The following MTHFS variants were observed in gnomAD, a reference collection of about 807,000 sequenced individuals.
MTHFS encodes methenyltetrahydrofolate synthetase.
Under a neutral mutation model 12.7 loss-of-function variants are expected in MTHFS, and 7 were observed. The ratio of observed to expected loss-of-function variants is 0.55; its 90% confidence interval spans 0.31 to 1.03. The LOEUF (loss-of-function observed/expected upper bound fraction) is 1.03. Among genes scored for constraint, MTHFS ranks in the 50% least tolerant of loss-of-function variants. MTHFS has a pLI of 0.05. For missense variants in MTHFS, 252 were observed against 258.1 expected, an observed-to-expected ratio of 0.98 and a Z score of 0.16; for synonymous variants, 100 against 97.1, an observed-to-expected ratio of 1.03 and a Z score of -0.18.
At chr15:79,861,560 T>A (rs761311930) in intron 2 of MTHFS, among the ~76,000 whole-genome samples, 4 of 152,234 alleles carry the variant, frequency 2.6e-5, no homozygotes, top group Non-Finnish European at 5.9e-5. Context: ...TATAAAAATT[T>A]AGAATTCATA....
At chr15:79,876,847 A>G (rs1024382989) in intron 2 of MTHFS, 1 of 151,982 alleles carries the variant, frequency 6.6e-6, no homozygotes, top group African/African-American at 2.4e-5. Flanking sequence ...GATCGAGACC[A>G]TCCTGGCCAA....
intron 2 of MTHFS, among the ~76,000 whole-genome samples, chr15:79,847,040 GC>G (rs1026916881): frequency 1.3e-5 from 2 of 152,200 alleles, no homozygotes; most frequent in South Asian, 2.1e-4. Flanking sequence ...TCTGCCAAAT[GC>G]CCCAAAAGCA....
intron 2 of MTHFS, among the ~76,000 whole-genome samples, chr15:79,862,490 A>G (rs1283345324): frequency 6.6e-6 from 1 of 152,184 alleles, no homozygotes; most frequent in Non-Finnish European, 1.5e-5. Context: ...CAATTCTTGT[A>G]TTTCTAATGT....
chr15:79,896,737 A>T, intron 1 of MTHFS, 135 bp downstream of exon 1: 75 of 526,034 alleles, frequency 1.4e-4, no homozygotes, highest in Non-Finnish European at 1.6e-4. Context: ...CCGGGAGGGG[A>T]AACGTGCGCG....
At chr15:79,872,288 C>T (rs1327664685) in intron 2 of MTHFS, among the ~76,000 whole-genome samples, 2 of 152,142 alleles carry the variant, frequency 1.3e-5, no homozygotes, top group Non-Finnish European at 2.9e-5. Context: ...ATCCCATTTT[C>T]TCTGATCTAA....
chr15:79,849,348 C>T (rs571899149), intron 2 of MTHFS, among the ~76,000 whole-genome samples: 2 of 152,310 alleles, frequency 1.3e-5, no homozygotes, highest in South Asian at 4.1e-4. Flanking sequence ...ATCCTTGAAG[C>T]TCTTCCTGTG....
chr15:79,856,590 G>A lies in MTHFS; in HGVS notation c.380-11148C>T, dbSNP rs116520101. Reference sequence around the variant, plus strand: ...AACCCATAGAATCAGAAAGTAGAATGGTGGTTACCAGAGGCTGAAGAAAGG... The same window carrying A: ...AACCCATAGAATCAGAAAGTAGAATAGTGGTTACCAGAGGCTGAAGAAAGG... On this transcript the variant is annotated intron_variant, in intron 2 of 2. Transcript: ENST00000258874. 5.3e-3 allele frequency among the ~76,000 whole-genome samples: 806 copies of A among 152,274 alleles called. 5 individuals are homozygous for A. The highest frequency in any genetic ancestry group is 0.018 in the African/African-American group (732 of 41,542).
intron 2 of MTHFS, 82 bp downstream of exon 2, chr15:79,889,011 C>T: frequency 6.5e-7 from 1 of 1,538,542 alleles, no homozygotes; most frequent in Non-Finnish European, 8.8e-7. Context: ...AAAGCAACTC[C>T]CACTGACCCA....
chr15:79,883,748 T>C (rs1344139978), intron 2 of MTHFS, among the ~76,000 whole-genome samples: 6 of 152,318 alleles, frequency 3.9e-5, no homozygotes, highest in African/African-American at 1.4e-4. Context: ...ACTGTAATTA[T>C]CTCCAATTTT....
At chr15:79,851,503 T>C (rs1566987268) in intron 2 of MTHFS, among the ~76,000 whole-genome samples, 2 of 152,224 alleles carry the variant, frequency 1.3e-5, no homozygotes, top group Non-Finnish European at 2.9e-5. Context: ...AAAGTCCTGC[T>C]TCTAGAAGAG....
Position 79,844,735 on chromosome 15 carries a change from A to C in MTHFS, c.*475T>G, listed in dbSNP as rs2141335182. 6.6e-6 allele frequency among the ~76,000 whole-genome samples: 1 copy of C among 152,334 alleles called. No individual in the cohort carries two copies. Among genetic ancestry groups the C allele is most frequent in the South Asian group, 2.1e-4 (1 of 4,826 alleles). On this transcript the variant is annotated 3_prime_UTR_variant, in exon 3 of 3. Transcript: ENST00000258874. ...AGAGTGGGTAAAGGAAGTCATGATG[A>C]AGTGAGATAATATTCTTAGGGAATT... is the stretch of plus-strand genomic sequence containing the variant.
chr15:79,895,007 G>GA (rs1482588845), intron 1 of MTHFS, among the ~76,000 whole-genome samples: 1 of 151,872 alleles, frequency 6.6e-6, no homozygotes, highest in Admixed American at 6.6e-5. Flanking sequence ...CTTCCTAAAG[G>GA]ACATAACAAA....
intron 2 of MTHFS, among the ~76,000 whole-genome samples, chr15:79,864,899 A>G (rs2033982791): frequency 6.6e-6 from 1 of 152,204 alleles, no homozygotes; most frequent in Non-Finnish European, 1.5e-5. Flanking sequence ...GGAATAGAGA[A>G]TATTTTTATG....
At chr15:79,851,241 C>T (rs2033712069) in intron 2 of MTHFS, among the ~76,000 whole-genome samples, 1 of 152,154 alleles carries the variant, frequency 6.6e-6, no homozygotes, top group African/African-American at 2.4e-5. Flanking sequence ...GTGACCAGCT[C>T]TTATCCTATA....
chr15:79,894,093 T>C (rs1596085140), intron 1 of MTHFS, among the ~76,000 whole-genome samples: 1 of 152,256 alleles, frequency 6.6e-6, no homozygotes, highest in Non-Finnish European at 1.5e-5. Flanking sequence ...ATAGAAAATA[T>C]TAAAGTTCGA....
upstream of MTHFS, chr15:79,897,043 T>G: frequency 8.1e-6 from 12 of 1,477,636 alleles, no homozygotes; most frequent in Non-Finnish European, 9.8e-6. Flanking sequence ...GCCCTCGGGT[T>G]CGGTCTCCGC....
At position 79,850,624 on chromosome 15, in the gene MTHFS, G is replaced by C. The variant is rs149469107; in HGVS notation, c.380-5182C>G. On this transcript the variant is annotated intron_variant, in intron 2 of 2. Transcript: ENST00000258874. ...GAACATAAGGAAAGAGAGTTTCAGG[G>C]AGAGAGAAGTAGACGCAGTGTCAAA... Among the ~76,000 whole-genome samples the C allele has an allele frequency of 1.1e-3, 161 of 152,326 alleles. 1 individual carries two copies. The highest frequency in any genetic ancestry group is 3.8e-3 in the African/African-American group (156 of 41,574).
Position 79,864,547 on chromosome 15 carries a change from C to CAAAAAAAAAAAAAAAAAA in MTHFS, c.380-19123_380-19106dup, listed in dbSNP as rs58698908. ...GCAACAAAGTGAGACTCCATCTCAA[C>CAAAAAAAAAAAAAAAAAA]AAAAAAAAAAAAAAAAAAAAAAAAA... On this transcript the variant is annotated intron_variant, in intron 2 of 2. Transcript: ENST00000258874. Among the ~76,000 whole-genome samples the CAAAAAAAAAAAAAAAAAA allele has an allele frequency of 9.3e-5, 6 of 64,514 alleles. 1 individual carries two copies. Among genetic ancestry groups the CAAAAAAAAAAAAAAAAAA allele is most frequent in the East Asian group, 4.0e-4 (1 of 2,478 alleles). 42.3% of individuals were successfully genotyped at this position (64,514 alleles called of 152,430 possible). A position where few individuals can be genotyped will look rare whatever the true frequency, so the allele number is the denominator to read the frequency against.
chr15:79,852,949 A>G (rs2033741726), intron 2 of MTHFS, among the ~76,000 whole-genome samples: 1 of 152,220 alleles, frequency 6.6e-6, no homozygotes, highest in South Asian at 2.1e-4. Flanking sequence ...AGCTAATAAG[A>G]AATGTGGATA....
Sources: allele counts gnomAD v4.1 joint callset (sites outside exome capture counted in the v4.1 genomes callset), GRCh38; gene constraint gnomAD v4.1.1; transcripts MANE v1.5; gene names NCBI Gene and HGNC (gene_info 2026-07-23, HGNC 2026-07-21).